The following ATM variants were observed in gnomAD, a reference collection of about 807,000 sequenced individuals.
ATM encodes the protein ATM serine/threonine kinase, also known as serine-protein kinase ATM.
A neutral mutation model predicts 387.0 loss-of-function variants in ATM; 308 were observed. The observed-to-expected ratio is 0.80, with a 90% confidence interval of 0.73 to 0.87. ATM has a LOEUF of 0.87. ATM is among the 40% of genes least tolerant of loss of function. ATM has a pLI of 0.00. For missense variants in ATM, 3,312 were observed against 3,560.9 expected (o/e 0.93, Z 1.78); for synonymous variants, 1,156 against 1,187.3 (o/e 0.97, Z 0.54).
chr11:108,260,218 A>C (rs1461193144), intron 16 of ATM, among the ~76,000 whole-genome samples: 1 of 152,016 alleles, frequency 6.6e-6, no homozygotes, highest in Non-Finnish European at 1.5e-5. Flanking sequence ...TATTTTTAGT[A>C]GAGACCAGGT....
intron 24 of ATM, among the ~76,000 whole-genome samples, chr11:108,281,796 C>CT (rs1345552823): frequency 6.6e-6 from 1 of 152,116 alleles, no homozygotes; most frequent in Non-Finnish European, 1.5e-5. Context: ...TTCCATGGTG[C>CT]TTTGGAGTAA....
At position 108,268,595 on chromosome 11, in the gene ATM, C is replaced by T. The variant is rs3218688; in HGVS notation, c.2824C>T (p.Leu942Phe). ...TAGCACGCTAGAACCTACCAAATCC[C>T]TCCACCTGCATATGGTGAGTTACGT... is the stretch of plus-strand genomic sequence containing the variant. Reference protein sequence around the residue: ...DSSTLEPTKSLHLHMYLMLLK... With the variant: ...DSSTLEPTKSFHLHMYLMLLK... Residue 942 changes from leucine (L) to phenylalanine (F), a missense_variant, in exon 18 of 63, where the codon CTC becomes TTC. This residue lies in a region of ATM where 1,791 missense variants were observed against 1,804.5 expected (regional missense o/e 0.99). Transcript: ENST00000675843. The T allele has an allele frequency of 1.1e-5, 18 of 1,613,818 alleles. 1 individual carries two copies. In the South Asian group the frequency reaches 1.6e-4, roughly 15 times the overall value.
intron 11 of ATM, 49 bp from the exon 12 acceptor site, chr11:108,252,768 T>G: frequency 7.8e-7 from 1 of 1,279,014 alleles, no homozygotes; most frequent in Non-Finnish European, 1.1e-6. Context: ...AAAGTATTCT[T>G]TACATGGCTT....
intron 26 of ATM, 143 bp downstream of exon 26, chr11:108,284,616 C>A: frequency 8.6e-7 from 1 of 1,162,042 alleles, no homozygotes; most frequent in Non-Finnish European, 1.2e-6. Flanking sequence ...ATAGCCAACC[C>A]ATGAATTTTT....
At chr11:108,301,861 CTG>C in intron 35 of ATM, 72 bp downstream of exon 35, 1 of 1,519,222 alleles carries the variant, frequency 6.6e-7, no homozygotes, top group Admixed American at 1.7e-5. Context: ...TGGGTCATGA[CTG>C]TTAAATTGCT....
intron 36 of ATM, 58 bp from the exon 37 acceptor site, chr11:108,304,616 TG>T: frequency 6.6e-7 from 1 of 1,524,098 alleles, no homozygotes; most frequent in Non-Finnish European, 9.0e-7. Flanking sequence ...TTAAGTAAAA[TG>T]TATTAATTTT....
chr11:108,337,559 C>A (rs2086984072), intron 56 of ATM, among the ~76,000 whole-genome samples: 1 of 152,160 alleles, frequency 6.6e-6, no homozygotes, highest in Non-Finnish European at 1.5e-5. Flanking sequence ...ATGTGCGTTT[C>A]TAGCAAGATA....
At chr11:108,284,172 A>C in intron 25 of ATM, 55 bp from the exon 26 acceptor site, 1 of 1,392,896 alleles carries the variant, frequency 7.2e-7, no homozygotes, top group Admixed American at 2.2e-5. Context: ...TATTTTATAA[A>C]ATTTTACTTG....
intron 33 of ATM, among the ~76,000 whole-genome samples, chr11:108,297,834 C>A (rs1258522376): frequency 6.6e-6 from 1 of 151,984 alleles, no homozygotes; most frequent in African/African-American, 2.4e-5. Flanking sequence ...TACTTTTCTT[C>A]CTTAAATATT....
At position 108,302,989 on chromosome 11, in the gene ATM, C is replaced by A. The variant is rs760060843; in HGVS notation, c.5456C>A (p.Thr1819Lys). 6.2e-7 allele frequency: 1 copy of A among 1,613,336 alleles called. No homozygotes were observed. The highest frequency in any genetic ancestry group is 1.1e-5 in the South Asian group (1 of 91,056). Residue 1819 changes from threonine to lysine, a missense_variant, in exon 36 of 63, where the codon ACA becomes AAA. Thr to Lys is a moderately conservative substitution (Grantham distance 78). Around this residue, in one of 4 missense-constraint regions of ATM, gnomAD observed 1,405 missense variants for 1,604.4 expected, o/e 0.88. Coordinates refer to ENST00000675843, the MANE Select transcript of ATM (RefSeq NM_000051.4). ...LTCAFLDSGG[T>K]KCEILQLLKP... ...TGTGCTTTTTTGGACAGTGGAGGCA[C>A]AAAATGTGAAATTCTTCAATTATTA... is the stretch of plus-strand genomic sequence containing the variant.
At position 108,250,986 on chromosome 11, in the gene ATM, A is replaced by G. The variant is rs2135325598; in HGVS notation, c.1521A>G (p.Leu507=). 6.2e-7 allele frequency: 1 copy of G among 1,614,180 alleles called. No individual in the cohort carries two copies. The highest frequency in any genetic ancestry group is 1.3e-5 in the African/African-American group (1 of 75,060). The part of the protein sequence containing the change: ...SEQIQAENFG[L]LGAIIQGSLV... ...AAATACAAGCTGAAAACTTTGGCTT[A>G]CTTGGAGCCATAATTCAGGGTAGTT... The change falls in exon 10 of 63, where the codon TTA becomes TTG. Residue 507 remains leucine, a synonymous_variant. Transcript: ENST00000675843.
rs780247224 is a variant in ATM at position 108,333,887 on chromosome 11, A to T, written c.7929A>T (p.Lys2643Asn). 16 of 1,600,798 alleles carry T rather than the reference A, an allele frequency of 1.0e-5. No individual in the cohort carries two copies. In the South Asian group the frequency reaches 1.8e-4, roughly 18 times the overall value. ...AAATCTCTTCATTTTTAAATACAGA[A>T]GGCATAAATATTCCAGCAGACCAGC... ...LDATQWKTQR[K>N]GINIPADQPI... Residue 2643 changes from lysine (K) to asparagine (N), a missense_variant and splice_region_variant, in exon 54 of 63, where the codon AAA becomes AAT. Lys to Asn is a moderately conservative substitution (Grantham distance 94). Transcript: ENST00000675843.
At chr11:108,242,021 C>G (rs937927055) in intron 5 of ATM, among the ~76,000 whole-genome samples, 3 of 151,788 alleles carry the variant, frequency 2.0e-5, no homozygotes, top group Non-Finnish European at 2.9e-5. Context: ...TTCTCAGCTC[C>G]TCGATGTCTT....
At chr11:108,241,378 A>T (rs2079548740) in intron 5 of ATM, among the ~76,000 whole-genome samples, 1 of 152,250 alleles carries the variant, frequency 6.6e-6, no homozygotes, top group Non-Finnish European at 1.5e-5. Flanking sequence ...CCAGTAACTT[A>T]GTCATTTATT....
intron 18 of ATM, among the ~76,000 whole-genome samples, chr11:108,269,739 C>T (rs909195487): frequency 6.6e-6 from 1 of 152,164 alleles, no homozygotes; most frequent in African/African-American, 2.4e-5. Flanking sequence ...CTAATTAGAA[C>T]CTCTGATCAC....
intron 61 of ATM, 66 bp from the exon 62 acceptor site, chr11:108,365,016 T>C: frequency 6.4e-7 from 1 of 1,565,634 alleles, no homozygotes; most frequent in Non-Finnish European, 8.8e-7. Flanking sequence ...ATACTGGTTC[T>C]ACTGTTTCTA....
rs761587154 is a variant in ATM at position 108,327,649 on chromosome 11, A to T, written c.6980A>T (p.Asn2327Ile). The T allele has an allele frequency of 2.5e-6, 4 of 1,613,484 alleles. No homozygotes were observed. Among genetic ancestry groups the T allele is most frequent in the Non-Finnish European group, 3.4e-6 (4 of 1,179,634 alleles). Residue 2327 changes from asparagine to isoleucine, a missense_variant, in exon 48 of 63, where the codon AAT becomes ATT. Transcript: ENST00000675843. ...GATTTTGCCTTTCTTATACAGAACA[A>T]TCCCAGCCTAAAACTTACATACACA... ...KKLDASCAAN[N>I]PSLKLTYTEC...
chr11:108,354,714 T>C, intron 60 of ATM, 97 bp from the exon 61 acceptor site: 2 of 1,085,388 alleles, frequency 1.8e-6, no homozygotes, highest in Admixed American at 3.4e-5. Flanking sequence ...TTATTAAGCA[T>C]AGGCTCAGCA....
At chr11:108,224,365 G>A (rs1397228617) in intron 1 of ATM, 1 of 152,126 alleles carries the variant, frequency 6.6e-6, no homozygotes, top group Non-Finnish European at 1.5e-5. Flanking sequence ...TGTGCAAAGG[G>A]GTCAACTTGG....
Sources: allele counts gnomAD v4.1 joint callset (sites outside exome capture counted in the v4.1 genomes callset), GRCh38; gene constraint gnomAD v4.1.1; regional missense constraint gnomAD v4.1.1; transcripts MANE v1.5; gene names NCBI Gene and HGNC (gene_info 2026-07-23, HGNC 2026-07-21).